The following ASXL3 variants were observed in gnomAD, a reference collection of about 807,000 sequenced individuals.
ASXL3 encodes the protein putative Polycomb group protein ASXL3.
Under a neutral mutation model 170.6 loss-of-function variants are expected in ASXL3, and 34 were observed. That is an observed-to-expected ratio of 0.20 (90% CI 0.15 to 0.27). The LOEUF is 0.27. Among genes scored for constraint, ASXL3 ranks in the 10% least tolerant of loss-of-function variants. The probability of loss-of-function intolerance (pLI) is 1.00; values close to 1 mark genes in which losing one functional copy is unlikely to be tolerated. For synonymous variants in ASXL3, 1,002 were observed against 989.1 expected, an observed-to-expected ratio of 1.01 and a Z score of -0.24; for missense variants, 2,592 against 2,695.3, an observed-to-expected ratio of 0.96 and a Z score of 0.85.
rs2067837205 is a variant in ASXL3 at position 33,748,717 on chromosome 18, A to G, written c.*2122A>G. 4 of 152,402 alleles carry G rather than the reference A, an allele frequency of 2.6e-5. No individual in the cohort carries two copies. Among genetic ancestry groups the G allele is most frequent in the Admixed American group, 1.3e-4 (2 of 15,302 alleles). 9.4% of individuals were successfully genotyped at this position (152,402 alleles called of 1,614,324 possible). The stretch of plus-strand genomic sequence containing the variant: ...GTTAGTCTCACAGCGGGGCACCCCT[A>G]TAATATAGACACTTGCATGCCAACT... On this transcript the variant is annotated 3_prime_UTR_variant, in exon 12 of 12. Transcript: ENST00000269197.
At chr18:33,685,068 TA>T (rs2066572393) in intron 8 of ASXL3, among the ~76,000 whole-genome samples, 1 of 152,186 alleles carries the variant, frequency 6.6e-6, no homozygotes, top group African/African-American at 2.4e-5. Context: ...CCTGTGTCTG[TA>T]ATACAAAGCC....
At chr18:33,712,436 T>G (rs2067083549) in intron 8 of ASXL3, among the ~76,000 whole-genome samples, 1 of 152,208 alleles carries the variant, frequency 6.6e-6, no homozygotes, top group Admixed American at 6.5e-5. Context: ...AGATGAGATA[T>G]GAAAGAATTT....
chr18:33,708,786 T>C (rs2067006110), intron 8 of ASXL3, among the ~76,000 whole-genome samples: 2 of 152,228 alleles, frequency 1.3e-5, no homozygotes, highest in African/African-American at 4.8e-5. Context: ...ATCTCACACA[T>C]CTTTCGTTTG....
In ASXL3 at chr18:33,664,206, A is replaced by T. The variant is rs546920857; in HGVS notation, c.477+2469A>T. ...AAAAAACTAAGACCCAAGTCAGGTAACTTGCCCAAGATCACCCAGCAAGTA... is the reference window on the plus strand; with the variant it reads ...AAAAAACTAAGACCCAAGTCAGGTATCTTGCCCAAGATCACCCAGCAAGTA... On this transcript the variant is annotated intron_variant, in intron 5 of 11. Transcript: ENST00000269197. 2.0e-5 allele frequency among the ~76,000 whole-genome samples: 3 copies of T among 152,268 alleles called. No individual in the cohort carries two copies. The South Asian group carries it at 6.2e-4, about 32-fold the overall frequency.
intron 8 of ASXL3, among the ~76,000 whole-genome samples, chr18:33,722,452 G>A (rs1159545739): frequency 1.3e-5 from 2 of 152,124 alleles, no homozygotes; most frequent in Non-Finnish European, 2.9e-5. Flanking sequence ...GGAAGTTTTA[G>A]TGGTCTGGCT....
Position 33,742,946 on chromosome 18 carries a change from C to T in ASXL3, c.3098C>T (p.Pro1033Leu). 1.2e-6 allele frequency: 2 copies of T among 1,613,656 alleles called. No homozygotes were observed. Among genetic ancestry groups the T allele is most frequent in the Non-Finnish European group, 8.5e-7 (1 of 1,179,792 alleles). ...FIIKSQPVSK[P>L]ESRASTSTSV... is the part of the protein sequence containing the mutation. ...ATCAAGAGCCAACCAGTCTCCAAAC[C>T]TGAGTCTCGAGCATCCACTAGCACA... The change falls in exon 12 of 12, where the codon CCT becomes CTT. Residue 1033 changes from proline to leucine, a missense_variant. Pro to Leu is a moderately conservative substitution (Grantham distance 98, BLOSUM62 -3). This residue lies in a region of ASXL3 where 2,246 missense variants were observed against 2,219.6 expected (regional missense o/e 1.01). Coordinates refer to ENST00000269197, the MANE Select transcript of ASXL3 (RefSeq NM_030632.3).
chr18:33,677,799 T>G (rs988244926), intron 7 of ASXL3, among the ~76,000 whole-genome samples: 1 of 152,200 alleles, frequency 6.6e-6, no homozygotes, highest in African/African-American at 2.4e-5. Flanking sequence ...TGGATTCATG[T>G]TGTGTATTGA....
At chr18:33,720,130 G>A (rs1262513703) in intron 8 of ASXL3, among the ~76,000 whole-genome samples, 1 of 151,920 alleles carries the variant, frequency 6.6e-6, no homozygotes, top group East Asian at 1.9e-4. Context: ...CAGACTTGGG[G>A]GCTCTCCTAG....
At chr18:33,617,816 C>T (rs919116577) in intron 2 of ASXL3, among the ~76,000 whole-genome samples, 1 of 152,050 alleles carries the variant, frequency 6.6e-6, no homozygotes, top group African/African-American at 2.4e-5. Flanking sequence ...AGAAATAGGA[C>T]CCAAAATGGA....
rs1422561228 is a variant in ASXL3 at position 33,744,811 on chromosome 18, C to T, written c.4963C>T (p.Leu1655Phe). 3 of 1,613,924 alleles carry T rather than the reference C, an allele frequency of 1.9e-6. No homozygotes were observed. The highest frequency in any genetic ancestry group is 2.2e-5 in the East Asian group (1 of 44,894). ...EHANYLNVSE[L>F]HPRNLVTNVA... is the part of the protein sequence containing the mutation. ...TGCCAACTACTTGAACGTGTCAGAACTTCATCCCAGGAATCTTGTAACAAA... is the reference window on the plus strand; with the variant it reads ...TGCCAACTACTTGAACGTGTCAGAATTTCATCCCAGGAATCTTGTAACAAA... Residue 1655 changes from leucine to phenylalanine, a missense_variant, in exon 12 of 12, where the codon CTT (leucine) becomes TTT (phenylalanine). Physicochemically the swap from Leu to Phe is conservative, Grantham distance 22 (BLOSUM62 0). Transcript: ENST00000269197.
intron 3 of ASXL3, among the ~76,000 whole-genome samples, 171 bp from the exon 4 acceptor site, chr18:33,646,074 T>TA (rs2065909132): frequency 6.6e-6 from 1 of 151,842 alleles, no homozygotes; most frequent in Non-Finnish European, 1.5e-5. Flanking sequence ...CAATGGGCTT[T>TA]ACCCAGTTTT....
intron 2 of ASXL3, among the ~76,000 whole-genome samples, chr18:33,610,254 T>C (rs973302827): frequency 1.3e-5 from 2 of 152,062 alleles, no homozygotes; most frequent in Non-Finnish European, 2.9e-5. Context: ...AAGTCAAACA[T>C]AAGCTGATTG....
At chr18:33,654,129 A>C (rs548874186) in intron 4 of ASXL3, among the ~76,000 whole-genome samples, 1 of 152,178 alleles carries the variant, frequency 6.6e-6, no homozygotes, top group Non-Finnish European at 1.5e-5. Context: ...CCATTTAAGC[A>C]TACTTTCATC....
intron 8 of ASXL3, among the ~76,000 whole-genome samples, chr18:33,691,628 G>C (rs919450726): frequency 2.0e-5 from 3 of 152,184 alleles, no homozygotes; most frequent in East Asian, 1.9e-4. Context: ...TCCTGAAAGA[G>C]AGAATTGTTC....
chr18:33,714,576 G>A (rs1337915817), intron 8 of ASXL3, among the ~76,000 whole-genome samples: 3 of 152,116 alleles, frequency 2.0e-5, no homozygotes, highest in Non-Finnish European at 4.4e-5. Context: ...AACAGGCCAC[G>A]GGTATTTCTT....
At chr18:33,697,702 C>T (rs1231392877) in intron 8 of ASXL3, among the ~76,000 whole-genome samples, 2 of 152,006 alleles carry the variant, frequency 1.3e-5, no homozygotes, top group Non-Finnish European at 1.5e-5. Context: ...TCTCACACAG[C>T]TGATCAACAT....
chr18:33,712,014 ATATAT>A (rs1237180771), intron 8 of ASXL3, among the ~76,000 whole-genome samples: 2 of 152,164 alleles, frequency 1.3e-5, no homozygotes, highest in East Asian at 1.9e-4. Context: ...TTTACAGACA[ATATAT>A]TATATTTTAG....
intron 1 of ASXL3, among the ~76,000 whole-genome samples, chr18:33,579,940 A>G (rs995183454): frequency 5.3e-5 from 8 of 152,220 alleles, no homozygotes; most frequent in African/African-American, 1.9e-4. Flanking sequence ...AACATTTGTC[A>G]AAAGTAATTA....
At chr18:33,605,554 T>G (rs1481288324) in intron 1 of ASXL3, 1 of 151,978 alleles carries the variant, frequency 6.6e-6, no homozygotes, top group African/African-American at 2.4e-5. Context: ...TGTGATGTCA[T>G]AGAGAAGGGG....
Sources: allele counts gnomAD v4.1 joint callset (sites outside exome capture counted in the v4.1 genomes callset), GRCh38; gene constraint gnomAD v4.1.1; regional missense constraint gnomAD v4.1.1; transcripts MANE v1.5; gene names NCBI Gene and HGNC (gene_info 2026-07-23, HGNC 2026-07-21).